Variants in AGAP1 observed in about 807,000 individuals in gnomAD.
The protein encoded by AGAP1 is ArfGAP with GTPase domain, ankyrin repeat and PH domain 1.
Under a neutral mutation model 105.3 loss-of-function variants are expected in AGAP1, and 29 were observed. The observed-to-expected ratio is 0.28, with a 90% CI of 0.21 to 0.38. The LOEUF is 0.38. AGAP1 is among the 10% of genes least tolerant of loss of function. The pLI, the probability that AGAP1 is intolerant of heterozygous loss-of-function variation, is 1.00. For missense variants in AGAP1, 998 were observed against 1,165.1 expected, an observed-to-expected ratio of 0.86 and a Z score of 2.09; for synonymous variants, 509 against 485.9, an observed-to-expected ratio of 1.05 and a Z score of -0.63.
chr2:236,007,720 A>C (rs578127063), intron 13 of AGAP1, among the ~76,000 whole-genome samples: 1 of 152,388 alleles, frequency 6.6e-6, no homozygotes, highest in Non-Finnish European at 1.5e-5. Flanking sequence ...GGAAAAAAAG[A>C]GATGAATGTT....
chr2:236,016,660 G>A (rs186068176), intron 13 of AGAP1, among the ~76,000 whole-genome samples: 22 of 152,258 alleles, frequency 1.4e-4, no homozygotes, highest in African/African-American at 4.3e-4. Context: ...AGCTTCTCAG[G>A]TAATACACAG....
rs1169450561 is a variant in AGAP1, at chr2:236,087,013, A to AGAG, written c.2115-33174_2115-33172dup. ...GGCAAACACTCGGGAAACCCAGGAC[A>AGAG]GAGGAGGTAGGTAAACTCAGGAAAC... On this transcript the variant is annotated intron_variant, in intron 16 of 17. Transcript: ENST00000304032. The surrounding 1 kb of genome is among the most constrained non-coding windows in gnomAD (Gnocchi z 5.7). 1.3e-5 allele frequency among the ~76,000 whole-genome samples: 2 copies of AGAG among 152,134 alleles called. No individual in the cohort carries two copies. Among genetic ancestry groups the AGAG allele is most frequent in the Non-Finnish European group, 2.9e-5 (2 of 68,032 alleles).
intron 9 of AGAP1, among the ~76,000 whole-genome samples, chr2:235,820,323 T>TA (rs1208654241): frequency 2.6e-5 from 4 of 152,274 alleles, no homozygotes; most frequent in Admixed American, 2.6e-4. Context: ...CTTTAACTTT[T>TA]ATGTATCTAA....
intron 17 of AGAP1, among the ~76,000 whole-genome samples, chr2:236,122,270 A>T (rs1222836289): frequency 6.6e-6 from 1 of 152,122 alleles, no homozygotes; most frequent in Non-Finnish European, 1.5e-5. Context: ...TCTCATATAG[A>T]TACTAACCCT....
chr2:235,801,795 G>C lies in AGAP1; in HGVS notation c.957+2273G>C, dbSNP rs1412645984. 1.3e-5 allele frequency among the ~76,000 whole-genome samples: 2 copies of C among 152,148 alleles called. No individual in the cohort carries two copies. Among genetic ancestry groups the C allele is most frequent in the Non-Finnish European group, 2.9e-5 (2 of 68,018 alleles). ...CTGTGTCTTTGTTAAGGGAGTGGAAGGGGGAGAGCACTCATTCTCAGACGC... is the reference window on the plus strand; with the variant it reads ...CTGTGTCTTTGTTAAGGGAGTGGAACGGGGAGAGCACTCATTCTCAGACGC... On this transcript the variant is annotated intron_variant, in intron 8 of 17. Coordinates refer to ENST00000304032, the MANE Select transcript of AGAP1 (RefSeq NM_001037131.3). This position sits in a 1 kb window ranked among gnomAD's most constrained non-coding sequence, Gnocchi z 6.0.
intron 1 of AGAP1, among the ~76,000 whole-genome samples, chr2:235,680,951 T>C (rs1296836371): frequency 6.6e-6 from 1 of 152,106 alleles, no homozygotes; most frequent in Non-Finnish European, 1.5e-5. Flanking sequence ...CAGCCAGCTG[T>C]GTTTTTCCTA....
At chr2:235,941,178 C>A (rs1344329174) in intron 12 of AGAP1, among the ~76,000 whole-genome samples, 1 of 152,190 alleles carries the variant, frequency 6.6e-6, no homozygotes, top group Non-Finnish European at 1.5e-5. Context: ...TGGCAGCAGT[C>A]TCAGCAACAG....
intron 1 of AGAP1, chr2:235,671,042 G>C: frequency 7.8e-7 from 1 of 1,287,516 alleles, no homozygotes; most frequent in Non-Finnish European, 9.8e-7. Context: ...GAGCATCGAC[G>C]GCTCCCCGCG....
chr2:235,882,742 T>C lies in AGAP1; in HGVS notation c.1051-603T>C, dbSNP rs1454932991. Among the ~76,000 whole-genome samples, 1 of 152,196 alleles carries C rather than the reference T, an allele frequency of 6.6e-6. No individual in the cohort carries two copies. Among genetic ancestry groups the C allele is most frequent in the East Asian group, 1.9e-4 (1 of 5,194 alleles). ...TGCCCACCTCGGCCTCCCAAAGTTC[T>C]GGGATTACAGGCGTGAGCCACCGTG... On this transcript the variant is annotated intron_variant, in intron 9 of 17. Transcript: ENST00000304032. The surrounding 1 kb of genome is among the most constrained non-coding windows in gnomAD (Gnocchi z 4.6).
rs760102773 is a variant in AGAP1, at chr2:235,968,641, C to T, written c.1645+18C>T. 27 of 1,593,148 alleles carry T rather than the reference C, an allele frequency of 1.7e-5. No individual in the cohort carries two copies. The highest frequency in any genetic ancestry group is 2.8e-5 in the African/African-American group (2 of 72,600). On this transcript the variant is annotated intron_variant, in intron 13 of 17. Coordinates refer to ENST00000304032, the MANE Select transcript of AGAP1 (RefSeq NM_001037131.3). Reference sequence around the variant, plus strand: ...TGCTGAAGGTAAGGGTTCCGCGGTGCCCCGGGAGAGAGTCTCCACTGCGGA... The same window carrying T: ...TGCTGAAGGTAAGGGTTCCGCGGTGTCCCGGGAGAGAGTCTCCACTGCGGA...
At position 235,753,717 on chromosome 2, in the gene AGAP1, AAAGT is replaced by A. The variant is rs1226589959; in HGVS notation, c.673+3231_673+3234del. 1.3e-5 allele frequency among the ~76,000 whole-genome samples: 2 copies of A among 152,166 alleles called. No individual in the cohort carries two copies. Among genetic ancestry groups the A allele is most frequent in the Admixed American group, 6.5e-5 (1 of 15,282 alleles). Reference sequence around the variant, plus strand: ...CGAGACTCTGTCTCAAAAAAAAAAAAAAGTAGGATTTTATGGAATTTGAAAAGCA... The same window carrying A: ...CGAGACTCTGTCTCAAAAAAAAAAAAAGGATTTTATGGAATTTGAAAAGCA... On this transcript the variant is annotated intron_variant, in intron 6 of 17. Transcript: ENST00000304032. This position sits in a 1 kb window ranked among gnomAD's most constrained non-coding sequence, Gnocchi z 4.5.
chr2:235,780,855 G>A (rs1956217551), intron 6 of AGAP1, among the ~76,000 whole-genome samples: 1 of 152,228 alleles, frequency 6.6e-6, no homozygotes, highest in Middle Eastern at 3.4e-3. Flanking sequence ...AGATAATGAT[G>A]GTATCTGCTG....
rs140191219 is a variant in AGAP1 at position 235,689,087 on chromosome 2, G to A, written c.164-20092G>A. 8.3e-4 allele frequency among the ~76,000 whole-genome samples: 126 copies of A among 152,278 alleles called. 2 individuals carry two copies. The highest frequency in any genetic ancestry group is 1.4e-3 in the Non-Finnish European group (93 of 68,016). On this transcript the variant is annotated intron_variant, in intron 1 of 17. Coordinates refer to ENST00000304032, the MANE Select transcript of AGAP1 (RefSeq NM_001037131.3). This position sits in a 1 kb window ranked among gnomAD's most constrained non-coding sequence, Gnocchi z 4.2. The stretch of plus-strand genomic sequence containing the variant: ...TTGGTTATCTGTAGGAGACATCTAC[G>A]TATACGTATTTATAGAGCAATGAAG...
In AGAP1 at chr2:235,751,365, A is replaced by G. The variant is rs560317602; in HGVS notation, c.673+877A>G. Among the ~76,000 whole-genome samples, 19 of 152,152 alleles carry G rather than the reference A, an allele frequency of 1.2e-4. No homozygotes were observed. Among genetic ancestry groups the G allele is most frequent in the African/African-American group, 4.1e-4 (17 of 41,520 alleles). Reference sequence around the variant, plus strand: ...TCCTCTCCCCTTCTGGTTTAAATCCATGGGGGCAGAGCCACCTGTCCCCCT... The same window carrying G: ...TCCTCTCCCCTTCTGGTTTAAATCCGTGGGGGCAGAGCCACCTGTCCCCCT... On this transcript the variant is annotated intron_variant, in intron 6 of 17. Transcript: ENST00000304032. This position sits in a 1 kb window ranked among gnomAD's most constrained non-coding sequence, Gnocchi z 5.3.
chr2:235,568,408 C>G (rs1393851506), intron 1 of AGAP1, among the ~76,000 whole-genome samples: 1 of 152,166 alleles, frequency 6.6e-6, no homozygotes, highest in Non-Finnish European at 1.5e-5. Flanking sequence ...GAGTTTTTCT[C>G]CGTTTTATGG....
chr2:235,651,976 A>G (rs1394813323), intron 1 of AGAP1, among the ~76,000 whole-genome samples: 3 of 152,174 alleles, frequency 2.0e-5, no homozygotes, highest in African/African-American at 7.2e-5. Flanking sequence ...TTGGTATGAA[A>G]TTCTTAGGGT....
rs1021815547 is a variant in AGAP1 at position 235,963,642 on chromosome 2, C to G, written c.1484-4820C>G. On this transcript the variant is annotated intron_variant, in intron 12 of 17. Coordinates refer to ENST00000304032, the MANE Select transcript of AGAP1 (RefSeq NM_001037131.3). This position sits in a 1 kb window ranked among gnomAD's most constrained non-coding sequence, Gnocchi z 5.1. ...GTAATTTATCTAGGCTCAGTGGTCA[C>G]TCTTAGAATCTTCCAGGAGCGGATG... is the stretch of plus-strand genomic sequence containing the variant. 6.6e-6 allele frequency among the ~76,000 whole-genome samples: 1 copy of G among 152,142 alleles called. No homozygotes were observed. Among genetic ancestry groups the G allele is most frequent in the Non-Finnish European group, 1.5e-5 (1 of 68,028 alleles).
Position 236,087,204 on chromosome 2 carries a change from A to G in AGAP1, c.2115-32988A>G, listed in dbSNP as rs1559262563. Among the ~76,000 whole-genome samples, 1 of 152,084 alleles carries G rather than the reference A, an allele frequency of 6.6e-6. No homozygotes were observed. Among genetic ancestry groups the G allele is most frequent in the African/African-American group, 2.4e-5 (1 of 41,426 alleles). Reference sequence around the variant, plus strand: ...AGGAAGTGAAAGTCTGTCCAGGCTAATGGAGCTGTGATTGACAGGCCTTCT... The same window carrying G: ...AGGAAGTGAAAGTCTGTCCAGGCTAGTGGAGCTGTGATTGACAGGCCTTCT... On this transcript the variant is annotated intron_variant, in intron 16 of 17. Coordinates refer to ENST00000304032, the MANE Select transcript of AGAP1 (RefSeq NM_001037131.3). The surrounding 1 kb of genome is among the most constrained non-coding windows in gnomAD (Gnocchi z 5.7).
Position 235,908,310 on chromosome 2 carries a change from T to C in AGAP1, c.1156-428T>C, listed in dbSNP as rs2051405921. Among the ~76,000 whole-genome samples the C allele has an allele frequency of 6.6e-6, 1 of 152,238 alleles. No individual in the cohort carries two copies. The highest frequency in any genetic ancestry group is 1.5e-5 in the Non-Finnish European group (1 of 68,044). ...TTTTCACCAGAGAGCTTCAGTCTTATCTAGATTTTAATGATATTCCCATCT... is the reference window on the plus strand; with the variant it reads ...TTTTCACCAGAGAGCTTCAGTCTTACCTAGATTTTAATGATATTCCCATCT... On this transcript the variant is annotated intron_variant, in intron 10 of 17. Transcript: ENST00000304032. This position sits in a 1 kb window ranked among gnomAD's most constrained non-coding sequence, Gnocchi z 4.4.
Sources: gnomAD v4.1 joint callset for allele counts (sites outside exome capture counted in the v4.1 genomes callset) on GRCh38, gnomAD v4.1.1 for gene constraint, Gnocchi (gnomAD v3.1) non-coding constraint, MANE v1.5 for transcripts, NCBI Gene and HGNC (gene_info 2026-07-23, HGNC 2026-07-21) for gene names.